The following AHNAK variants were observed in gnomAD, a reference collection of about 807,000 sequenced individuals.
AHNAK encodes the protein neuroblast differentiation-associated protein AHNAK.
AHNAK carries 23 observed loss-of-function variants against 37.8 expected under a neutral mutation model. The observed-to-expected ratio is 0.61, with a 90% CI of 0.44 to 0.86. AHNAK has a LOEUF of 0.86. AHNAK is among the 40% of genes least tolerant of loss of function. AHNAK has a pLI of 0.00. For missense variants in AHNAK, 7,411 were observed against 7,319.4 expected (o/e 1.01, Z -0.46); for synonymous variants, 2,481 against 2,636.3 (o/e 0.94, Z 1.80).
rs1175319855 is a variant in AHNAK at position 62,528,364 on chromosome 11, A to G, written c.6053T>C (p.Met2018Thr). 6.2e-7 allele frequency: 1 copy of G among 1,612,368 alleles called. No individual in the cohort carries two copies. Among genetic ancestry groups the G allele is most frequent in the Non-Finnish European group, 8.5e-7 (1 of 1,179,704 alleles). Reference sequence around the variant, plus strand: ...TTTGATGTCAACATCTGGCACTTTCATTTCACCTTCTACCTTGGGCACAGA... The same window carrying G: ...TTTGATGTCAACATCTGGCACTTTCGTTTCACCTTCTACCTTGGGCACAGA... ...DVSVPKVEGE[M>T]KVPDVDIKGP... Residue 2018 changes from methionine (M) to threonine (T), a missense_variant, in exon 5 of 5, where the codon ATG (methionine) becomes ACG (threonine). Transcript: ENST00000378024.
chr11:62,526,820 T>C lies in AHNAK; in HGVS notation c.7597A>G (p.Asn2533Asp). ...ATGTCAACGTCAGCCTTAGGCAAGT[T>C]GACGTCTACTTCAGGGCCCTCTGCT... ...FKAEGPEVDV[N>D]LPKADVDISG... The change falls in exon 5 of 5, where the codon AAC (asparagine) becomes GAC (aspartate). Residue 2533 changes from asparagine to aspartate, a missense_variant. Coordinates refer to ENST00000378024, the MANE Select transcript of AHNAK (RefSeq NM_001620.3). 1 of 1,613,576 alleles carries C rather than the reference T, an allele frequency of 6.2e-7. No homozygotes were observed. Among genetic ancestry groups the C allele is most frequent in the Non-Finnish European group, 8.5e-7 (1 of 1,179,922 alleles).
At chr11:62,452,034 G>A (rs1047051184) in intron 5 of AHNAK, among the ~76,000 whole-genome samples, 19 of 151,632 alleles carry the variant, frequency 1.3e-4, no homozygotes, top group Non-Finnish European at 2.4e-4. Flanking sequence ...GGATGGTCTC[G>A]ATCTCCTGAC....
Position 62,516,312 on chromosome 11 carries a change from C to T in AHNAK, c.*432G>A. 2 of 1,289,486 alleles carry T rather than the reference C, an allele frequency of 1.6e-6. No individual in the cohort carries two copies. Among genetic ancestry groups the T allele is most frequent in the Non-Finnish European group, 2.0e-6 (2 of 988,946 alleles). 79.9% of individuals were successfully genotyped at this position (1,289,486 alleles called of 1,614,324 possible). A position where few individuals can be genotyped will look rare whatever the true frequency, so the allele number is the denominator to read the frequency against. On this transcript the variant is annotated 3_prime_UTR_variant, in exon 5 of 5. Coordinates refer to ENST00000378024, the MANE Select transcript of AHNAK (RefSeq NM_001620.3). ...CTCAGGAAAGAGGAAGACCTGACCT[C>T]CGTCTGCAACCCATCACCCCACCCA...
intron 3 of AHNAK, 33 bp from the exon 4 acceptor site, chr11:62,535,223 C>A: frequency 1.3e-6 from 2 of 1,587,664 alleles, no homozygotes; most frequent in South Asian, 2.2e-5. Flanking sequence ...CAGGTAAGGC[C>A]CAAAGAGCCT....
In AHNAK at chr11:62,525,483, C is replaced by T. The variant is rs1384212549; in HGVS notation, c.8934G>A (p.Lys2978=). Residue 2978 remains lysine, a synonymous_variant, in exon 5 of 5, where the codon AAG becomes AAA. Transcript: ENST00000378024. ...TGGGCAGAGAAATATCCACATCGCC[C>T]TTCACCTTGGGACCTTTCAGATGCA... ...FDLHLKGPKV[K]GDVDISLPKV... 2 of 1,613,354 alleles carry T rather than the reference C, an allele frequency of 1.2e-6. No individual in the cohort carries two copies. The highest frequency in any genetic ancestry group is 2.2e-5 in the East Asian group (1 of 44,806).
intron 3 of AHNAK, 38 bp downstream of exon 3, chr11:62,535,906 CA>C (rs754857362): frequency 6.3e-7 from 1 of 1,580,264 alleles, no homozygotes; most frequent in Non-Finnish European, 8.6e-7. Context: ...ACCGACCCCC[CA>C]ACCACCAGCA....
intron 5 of AHNAK, among the ~76,000 whole-genome samples, chr11:62,437,757 C>T (rs1760741707): frequency 6.6e-6 from 1 of 152,208 alleles, no homozygotes; most frequent in South Asian, 2.1e-4. Flanking sequence ...TTCCCAGTGG[C>T]TGTACCTCTT....
chr11:62,523,397 G>A lies in AHNAK; in HGVS notation c.11020C>T (p.Pro3674Ser). The change falls in exon 5 of 5, where the codon CCT (proline) becomes TCT (serine). Residue 3674 changes from proline to serine, a missense_variant. Pro to Ser is a moderately conservative substitution (Grantham distance 74). Coordinates refer to ENST00000378024, the MANE Select transcript of AHNAK (RefSeq NM_001620.3). The stretch of plus-strand genomic sequence containing the variant: ...CCCTTCAAGTTCAGGTCAAAGTCAG[G>A]CATGGAGATCTTGGGGGCTTTGATG... ...MNIKAPKISMPDFDLNLKGPK... is the reference protein window; with the variant it reads ...MNIKAPKISMSDFDLNLKGPK... 1 of 1,613,216 alleles carries A rather than the reference G, an allele frequency of 6.2e-7. No individual in the cohort carries two copies. Among genetic ancestry groups the A allele is most frequent in the Non-Finnish European group, 8.5e-7 (1 of 1,179,724 alleles).
Position 62,534,206 on chromosome 11 carries a change from C to T in AHNAK, c.343-132G>A, listed in dbSNP as rs1203815496. 8.3e-6 allele frequency: 7 copies of T among 841,508 alleles called. No homozygotes were observed. In the South Asian group the frequency reaches 9.4e-5, roughly 11 times the overall value. The allele number at this position is 841,508 out of a possible 1,614,324, so 52.1% of individuals were successfully genotyped here. ...GGGACCAAAACAGAGGTCCATGGAG[C>T]CTCCTGGGGCACAGCACAGGGGAGT... On this transcript the variant is annotated intron_variant, in intron 4 of 4. Transcript: ENST00000378024.
rs1287207228 is a variant in AHNAK, at chr11:62,525,334, G to A, written c.9083C>T (p.Pro3028Leu). 5 of 1,612,468 alleles carry A rather than the reference G, an allele frequency of 3.1e-6. No homozygotes were observed. The highest frequency in any genetic ancestry group is 1.7e-5 in the Admixed American group (1 of 59,774). ...WHLKMPKVKMPKFSMPGFKGE... is the reference protein window; with the variant it reads ...WHLKMPKVKMLKFSMPGFKGE... ...TTTGAAGCCAGGCATGCTGAATTTG[G>A]GCATTTTCACTTTGGGCATTTTTAG... The change falls in exon 5 of 5, where the codon CCC becomes CTC. Residue 3028 changes from proline to leucine, a missense_variant. By Grantham distance (98) the Pro-to-Leu change is moderately conservative. Transcript: ENST00000378024.
At chr11:62,451,917 C>T (rs1163999857) in intron 5 of AHNAK, among the ~76,000 whole-genome samples, 1 of 151,038 alleles carries the variant, frequency 6.6e-6, no homozygotes, top group Admixed American at 6.6e-5. Context: ...ACGCCATTCT[C>T]CTGCCTCAGC....
chr11:62,498,060 A>G (rs1248019960), intron 4 of AHNAK, among the ~76,000 whole-genome samples: 1 of 152,254 alleles, frequency 6.6e-6, no homozygotes, highest in Non-Finnish European at 1.5e-5. Flanking sequence ...AATATTTCAC[A>G]ATGAAAAGAA....
At chr11:62,491,767 T>C in exon 5 of AHNAK, 2 of 1,613,024 alleles carry the variant, frequency 1.2e-6, no homozygotes, top group Non-Finnish European at 1.7e-6. Context: ...TGCCCCGGCT[T>C]GGCTGCTGGC....
chr11:62,518,124 G>T lies in AHNAK; in HGVS notation c.16293C>A (p.Gly5431=), dbSNP rs566881471. 4.3e-6 allele frequency: 7 copies of T among 1,614,086 alleles called. No individual in the cohort carries two copies. The highest frequency in any genetic ancestry group is 2.2e-5 in the South Asian group (2 of 91,072). ...HVNAKGPQVS[G]ELKGPGVDVN... ...CATCCACACCTGGCCCCTTCAGTTC[G>T]CCAGAAACCTGTGGCCCCTTGGCAT... The change falls in exon 5 of 5, where the codon GGC becomes GGA. Residue 5431 remains glycine (G), a synonymous_variant. Transcript: ENST00000378024.
chr11:62,517,826 C>G lies in AHNAK; in HGVS notation c.16591G>C (p.Glu5531Gln). 1 of 1,614,244 alleles carries G rather than the reference C, an allele frequency of 6.2e-7. No homozygotes were observed. Among genetic ancestry groups the G allele is most frequent in the African/African-American group, 1.3e-5 (1 of 75,060 alleles). ...GGAGCAGCCCCATGGAAACCTACTT[C>G]TGAACCTTTCAGACCACCTTTGATT... ...PEIKGGLKGSEVGFHGAAPDI... is the reference protein window; with the variant it reads ...PEIKGGLKGSQVGFHGAAPDI... The change falls in exon 5 of 5, where the codon GAA (glutamate) becomes CAA (glutamine). Residue 5531 changes from glutamate (E) to glutamine (Q), a missense_variant. Glu to Gln is a conservative substitution (Grantham distance 29). Transcript: ENST00000378024.
intron 5 of AHNAK, among the ~76,000 whole-genome samples, chr11:62,484,737 T>G (rs914258238): frequency 6.6e-6 from 1 of 152,162 alleles, no homozygotes; most frequent in African/African-American, 2.4e-5. Flanking sequence ...CGGAAGGTCA[T>G]GAGTGAGGCA....
rs779523168 is a variant in AHNAK, at chr11:62,519,851, G to A, written c.14566C>T (p.Leu4856=). The A allele has an allele frequency of 2.5e-6, 4 of 1,613,996 alleles. No homozygotes were observed. Among genetic ancestry groups the A allele is most frequent in the East Asian group, 4.5e-5 (2 of 44,870 alleles). Residue 4856 remains leucine (L), a synonymous_variant, in exon 5 of 5, where the codon CTG becomes TTG. Transcript: ENST00000378024. ...APKISIPDVD[L]DLKGPKVKGD... ...TTTACTTTGGGTCCTTTCAAATCCA[G>A]GTCAACATCAGGTATGGAGATCTTG...
rs765047290 is a variant in AHNAK, at chr11:62,532,565, C to T, written c.1852G>A (p.Glu618Lys). ...AGGTTCCATTCTGGGCCATGCGCTT[C>T]GACATCTGGGGCACTGACATCCACT... ...PKVDVSAPDV[E>K]AHGPEWNLKM... Residue 618 changes from glutamate to lysine, a missense_variant, in exon 5 of 5, where the codon GAA becomes AAA. Physicochemically the swap from Glu to Lys is moderately conservative, Grantham distance 56. Transcript: ENST00000378024. The T allele has an allele frequency of 2.5e-5, 41 of 1,613,996 alleles. No individual in the cohort carries two copies. The highest frequency in any genetic ancestry group is 1.6e-4 in the Middle Eastern group (1 of 6,082).
At position 62,472,595 on chromosome 11, in the gene AHNAK, C is replaced by G. The variant is rs530105719; in HGVS notation, c.442+19137G>C. ...CATCCCTATGAAGTCAACCCTCAAA[C>G]CCTGTGCCAGGACAGCACAGCCCCC... On this transcript the variant is annotated intron_variant, in intron 5 of 5. Transcript: ENST00000257247. Among the ~76,000 whole-genome samples, 3 of 152,254 alleles carry G rather than the reference C, an allele frequency of 2.0e-5. No homozygotes were observed. The East Asian group carries it at 5.8e-4, about 29-fold the overall frequency.
Sources: gnomAD v4.1 joint callset for allele counts (sites outside exome capture counted in the v4.1 genomes callset) on GRCh38, gnomAD v4.1.1 for gene constraint, MANE v1.5 for transcripts, NCBI Gene and HGNC (gene_info 2026-07-23, HGNC 2026-07-21) for gene names.